The following ART3 variants were observed in gnomAD, a reference collection of about 807,000 sequenced individuals.
ART3 encodes ADP-ribosyltransferase 3 (inactive), also known as ecto-ADP-ribosyltransferase 3.
In ART3, 49 loss-of-function variants were observed where a neutral mutation model predicts 48.5. The ratio of observed to expected loss-of-function variants is 1.01; its 90% CI spans 0.80 to 1.28. The LOEUF (loss-of-function observed/expected upper bound fraction) is 1.28. Among genes scored for constraint, ART3 ranks in the 50% most tolerant of loss-of-function variants. ART3 has a pLI of 0.00. For missense variants in ART3, 438 were observed against 454.3 expected (o/e 0.96, Z 0.33); for synonymous variants, 145 against 157.2 (o/e 0.92, Z 0.58).
intron 1 of ART3, among the ~76,000 whole-genome samples, chr4:76,066,131 T>C (rs1047190808): frequency 6.6e-6 from 1 of 152,204 alleles, no homozygotes. Flanking sequence ...AGAAACACCC[T>C]AGTAATTTTC....
chr4:76,040,647 C>T (rs920040102), intron 1 of ART3, among the ~76,000 whole-genome samples: 4 of 151,654 alleles, frequency 2.6e-5, no homozygotes, highest in Non-Finnish European at 4.4e-5. Context: ...ATCTTCCTCA[C>T]GGAGGCTGCT....
At chr4:76,014,082 CT>C (rs1235081554) in intron 1 of ART3, among the ~76,000 whole-genome samples, 1 of 152,016 alleles carries the variant, frequency 6.6e-6, no homozygotes, top group African/African-American at 2.4e-5. Context: ...GAAAACACAA[CT>C]TAGGGGCTGA....
At chr4:76,035,456 T>C in intron 1 of ART3, 2 of 1,044,348 alleles carry the variant, frequency 1.9e-6, no homozygotes, top group South Asian at 3.3e-5. Context: ...GATAGTAATT[T>C]GTCAAATAGC....
At chr4:76,090,724 A>G (rs1168592629) in intron 3 of ART3, among the ~76,000 whole-genome samples, 1 of 152,214 alleles carries the variant, frequency 6.6e-6, no homozygotes, top group Non-Finnish European at 1.5e-5. Flanking sequence ...TAATTAAGAA[A>G]AAAAAATTTA....
At chr4:76,098,686 G>A (rs1264871542) in intron 4 of ART3, among the ~76,000 whole-genome samples, 1 of 152,138 alleles carries the variant, frequency 6.6e-6, no homozygotes, top group South Asian at 2.1e-4. Context: ...TTGAAACCCG[G>A]GAGGCAGAGG....
intron 1 of ART3, among the ~76,000 whole-genome samples, chr4:76,061,402 A>G (rs1424468819): frequency 2.0e-5 from 3 of 152,132 alleles, no homozygotes; most frequent in South Asian, 2.1e-4. Flanking sequence ...GTTTATTACC[A>G]CTGATTTAGG....
intron 3 of ART3, among the ~76,000 whole-genome samples, chr4:76,088,191 T>A (rs1411617518): frequency 6.6e-6 from 1 of 151,726 alleles, no homozygotes; most frequent in Non-Finnish European, 1.5e-5. Context: ...ACTAGGTTTA[T>A]AGGAAGAAAA....
chr4:76,102,594 A>T (rs1727576591), intron 8 of ART3, among the ~76,000 whole-genome samples: 1 of 147,874 alleles, frequency 6.8e-6, no homozygotes, highest in Non-Finnish European at 1.5e-5. Flanking sequence ...CCATCTAAAG[A>T]TAGAAGAAAG....
At chr4:76,076,066 T>G (rs7676234) in intron 2 of ART3, 108 bp downstream of exon 2, 98,338 of 950,476 alleles carry the variant, frequency 0.1, 10,201 homozygotes, top group African/African-American at 0.47. Context: ...GTGCAGTGGC[T>G]CGATTTCGGC....
intron 1 of ART3, among the ~76,000 whole-genome samples, chr4:76,042,473 C>T (rs1735058085): frequency 6.6e-6 from 1 of 152,140 alleles, no homozygotes; most frequent in South Asian, 2.1e-4. Context: ...ATGTAATAGA[C>T]ACCTGAAATA....
At chr4:76,089,586 A>G (rs1404743894) in intron 3 of ART3, among the ~76,000 whole-genome samples, 2 of 152,182 alleles carry the variant, frequency 1.3e-5, no homozygotes, top group Non-Finnish European at 2.9e-5. Context: ...CTGCCGAATC[A>G]TGAGCCAATC....
At chr4:76,070,671 G>A (rs192139050), upstream of ART3, among the ~76,000 whole-genome samples, 173 of 152,264 alleles carry the variant, frequency 1.1e-3, 1 homozygote, top group African/African-American at 4.1e-3. Flanking sequence ...CCTTAATGCA[G>A]CCCAGCAATC....
At chr4:76,052,147 G>A (rs1416038971) in intron 1 of ART3, among the ~76,000 whole-genome samples, 1 of 152,106 alleles carries the variant, frequency 6.6e-6, no homozygotes, top group African/African-American at 2.4e-5. Context: ...TTGGGAGGCT[G>A]AGGTGGGCAG....
At chr4:76,084,664 G>C (rs1277647048) in intron 3 of ART3, among the ~76,000 whole-genome samples, 1 of 152,198 alleles carries the variant, frequency 6.6e-6, no homozygotes, top group Non-Finnish European at 1.5e-5. Flanking sequence ...CCTGTCTTCT[G>C]TGAAAATGGC....
intron 1 of ART3, among the ~76,000 whole-genome samples, chr4:76,045,630 A>G (rs924045647): frequency 2.6e-5 from 4 of 152,036 alleles, no homozygotes; most frequent in Admixed American, 1.3e-4. Context: ...TCTGTGATGT[A>G]TAAAGAGAAG....
chr4:76,024,940 A>C (rs949301908), intron 1 of ART3, among the ~76,000 whole-genome samples: 2 of 152,178 alleles, frequency 1.3e-5, no homozygotes, highest in African/African-American at 4.8e-5. Context: ...CCTCAAATGT[A>C]GGAACTCCAT....
At chr4:76,106,318 C>G (rs1199922328) in intron 10 of ART3, 1 of 985,288 alleles carries the variant, frequency 1.0e-6, no homozygotes, top group Non-Finnish European at 1.2e-6. Flanking sequence ...GCTAGGCACA[C>G]ACTTGGTAGT....
chr4:76,023,610 G>T, intron 1 of ART3: 1 of 531,386 alleles, frequency 1.9e-6, no homozygotes, highest in Non-Finnish European at 3.4e-6. Flanking sequence ...GCTGTTCCTG[G>T]GGAAGTCCCA....
chr4:76,099,799 G>A (rs1726860242), intron 5 of ART3, among the ~76,000 whole-genome samples: 1 of 152,196 alleles, frequency 6.6e-6, no homozygotes, highest in African/African-American at 2.4e-5. Context: ...CATGTGTTTG[G>A]CTCATGTGGC....
Sources: gnomAD v4.1 joint callset for allele counts (sites outside exome capture counted in the v4.1 genomes callset) on GRCh38, gnomAD v4.1.1 for gene constraint, MANE v1.5 for transcripts, NCBI Gene and HGNC (gene_info 2026-07-23, HGNC 2026-07-21) for gene names.